The following GREB1L variants were observed in gnomAD, a reference collection of about 807,000 sequenced individuals.
GREB1L encodes GREB1 like retinoic acid receptor coactivator, also known as GREB1-like protein.
In GREB1L, 17 loss-of-function variants were observed where a neutral mutation model predicts 200.8. That is an observed-to-expected ratio of 0.08 (90% confidence interval 0.06 to 0.13). The LOEUF (loss-of-function observed/expected upper bound fraction) is 0.13. Among genes scored for constraint, GREB1L ranks in the 10% least tolerant of loss-of-function variants. The pLI is 1.00. For missense variants in GREB1L, 1,657 were observed against 2,367.7 expected (o/e 0.70, Z 6.23); for synonymous variants, 789 against 893.0 (o/e 0.88, Z 2.08).
chr18:21,354,937 A>G (rs1401381035), intron 1 of GREB1L, among the ~76,000 whole-genome samples: 1 of 152,220 alleles, frequency 6.6e-6, no homozygotes, highest in African/African-American at 2.4e-5. Context: ...AAGGGTTAGC[A>G]TGATTGCATT....
chr18:21,249,653 G>A (rs1375369514), intron 1 of GREB1L, among the ~76,000 whole-genome samples: 4 of 151,970 alleles, frequency 2.6e-5, no homozygotes, highest in Non-Finnish European at 4.4e-5. Flanking sequence ...TCAGGAGTTT[G>A]AGACCAGCCT....
chr18:21,520,703 A>G lies in GREB1L; in HGVS notation c.5488A>G (p.Ile1830Val), dbSNP rs2037577173. Residue 1830 changes from isoleucine (I) to valine (V), a missense_variant, in exon 32 of 33, where the codon ATC becomes GTC. Transcript: ENST00000424526. ...NIGPEVAICY[I>V]SSRPHSSNVN... ...ATGATTTCAGGTGGCCATATGCTATATCAGCTCCAGACCCCACTCCAGCAA... is the reference window on the plus strand; with the variant it reads ...ATGATTTCAGGTGGCCATATGCTATGTCAGCTCCAGACCCCACTCCAGCAA... 6.4e-7 allele frequency: 1 copy of G among 1,551,642 alleles called. No homozygotes were observed. The highest frequency in any genetic ancestry group is 8.7e-7 in the Non-Finnish European group (1 of 1,146,980).
At chr18:21,493,804 C>T (rs2036434646) in intron 19 of GREB1L, among the ~76,000 whole-genome samples, 2 of 119,162 alleles carry the variant, frequency 1.7e-5, no homozygotes, top group South Asian at 5.9e-4. Context: ...AGGTGGAGGT[C>T]GCCATGAGCC....
At chr18:21,392,743 AT>A (rs1198560505) in intron 4 of GREB1L, among the ~76,000 whole-genome samples, 1 of 151,688 alleles carries the variant, frequency 6.6e-6, no homozygotes, top group Admixed American at 6.6e-5. Flanking sequence ...CGCTTCATCC[AT>A]TTTTTTAAAT....
intron 4 of GREB1L, among the ~76,000 whole-genome samples, chr18:21,392,275 C>CCAT (rs971303927): frequency 1.9e-4 from 29 of 152,056 alleles, no homozygotes; most frequent in African/African-American, 6.0e-4. Context: ...GTTTTAGCTG[C>CCAT]CATCATCATC....
chr18:21,356,682 C>A lies in GREB1L; in HGVS notation c.-119-9345C>A, dbSNP rs536924416. Among the ~76,000 whole-genome samples, 9 of 152,294 alleles carry A rather than the reference C, an allele frequency of 5.9e-5. 1 individual carries two copies. Among genetic ancestry groups the A allele is most frequent in the Non-Finnish European group, 8.8e-5 (6 of 68,024 alleles). On this transcript the variant is annotated intron_variant, in intron 1 of 32. Coordinates refer to ENST00000424526, the MANE Select transcript of GREB1L (RefSeq NM_001142966.3). ...ATCCCAGTATCATTTCTTTTGGATA[C>A]ATACCCAGTAGTGGAATTGCTGGAC...
At chr18:21,419,840 A>G (rs1415875248) in intron 7 of GREB1L, among the ~76,000 whole-genome samples, 3 of 152,236 alleles carry the variant, frequency 2.0e-5, no homozygotes, top group Non-Finnish European at 4.4e-5. Context: ...GAATGTCCAT[A>G]TTCAAAAACA....
intron 1 of GREB1L, among the ~76,000 whole-genome samples, chr18:21,291,731 T>C (rs1177070481): frequency 6.6e-6 from 1 of 152,150 alleles, no homozygotes; most frequent in East Asian, 1.9e-4. Context: ...GTTGAACTCA[T>C]GCAGCTCATT....
chr18:21,393,712 G>A (rs536179376), intron 4 of GREB1L, among the ~76,000 whole-genome samples: 4 of 152,216 alleles, frequency 2.6e-5, no homozygotes, highest in East Asian at 1.9e-4. Context: ...TACAGGTGCG[G>A]GTCACCGCGC....
chr18:21,360,686 A>G (rs1300803071), intron 1 of GREB1L, among the ~76,000 whole-genome samples: 3 of 152,276 alleles, frequency 2.0e-5, no homozygotes, highest in Non-Finnish European at 4.4e-5. Context: ...GATAGAATTT[A>G]TCAGACTCAA....
intron 1 of GREB1L, among the ~76,000 whole-genome samples, chr18:21,267,973 T>G (rs2037999759): frequency 6.6e-6 from 1 of 152,182 alleles, no homozygotes; most frequent in African/African-American, 2.4e-5. Flanking sequence ...TTTCCAGATA[T>G]TCCAAGTGCA....
chr18:21,248,008 G>C (rs755007211), intron 1 of GREB1L, among the ~76,000 whole-genome samples: 1 of 152,160 alleles, frequency 6.6e-6, no homozygotes, highest in Non-Finnish European at 1.5e-5. Context: ...TCTCCTAATA[G>C]TTAAATATTA....
At chr18:21,372,146 C>CTTT (rs1428080234) in intron 2 of GREB1L, among the ~76,000 whole-genome samples, 33 of 150,476 alleles carry the variant, frequency 2.2e-4, no homozygotes, top group African/African-American at 7.8e-4. Context: ...ACAAATTTGT[C>CTTT]TCTCTTTTTT....
At chr18:21,328,186 C>G (rs565476060) in intron 1 of GREB1L, among the ~76,000 whole-genome samples, 1 of 151,962 alleles carries the variant, frequency 6.6e-6, no homozygotes, top group Admixed American at 6.6e-5. Context: ...TGCCCCCCCC[C>G]GTTCCCCAGG....
At chr18:21,440,802 T>C (rs1450871257) in intron 9 of GREB1L, among the ~76,000 whole-genome samples, 2 of 152,224 alleles carry the variant, frequency 1.3e-5, no homozygotes, top group East Asian at 3.8e-4. Flanking sequence ...TGGCTCTCTT[T>C]CAGAACACCT....
chr18:21,407,889 C>A (rs894170873), intron 7 of GREB1L, among the ~76,000 whole-genome samples: 2 of 152,152 alleles, frequency 1.3e-5, no homozygotes, highest in African/African-American at 2.4e-5. Context: ...ATCACATGTT[C>A]TCACTTACAC....
At chr18:21,435,704 C>T (rs1197174142) in intron 7 of GREB1L, among the ~76,000 whole-genome samples, 1 of 152,042 alleles carries the variant, frequency 6.6e-6, no homozygotes, top group African/African-American at 2.4e-5. Flanking sequence ...CTTGATAGAA[C>T]CATAAAATGC....
chr18:21,276,652 A>T (rs976884680), intron 1 of GREB1L, among the ~76,000 whole-genome samples: 10 of 152,118 alleles, frequency 6.6e-5, no homozygotes, highest in African/African-American at 2.4e-4. Flanking sequence ...CAGAGTGAGG[A>T]ATCCACTTGT....
chr18:21,511,287 C>T (rs1456633881), intron 27 of GREB1L, among the ~76,000 whole-genome samples: 4 of 151,816 alleles, frequency 2.6e-5, no homozygotes, highest in East Asian at 1.9e-4. Context: ...TCACTTGAAC[C>T]GGGGAGGTGG....
Sources: allele counts gnomAD v4.1 joint callset (sites outside exome capture counted in the v4.1 genomes callset), GRCh38; gene constraint gnomAD v4.1.1; transcripts MANE v1.5; gene names NCBI Gene and HGNC (gene_info 2026-07-23, HGNC 2026-07-21).